The following GRPEL1 variants were observed in gnomAD, a reference collection of about 807,000 sequenced individuals.
GRPEL1 encodes grpE protein homolog 1, mitochondrial.
In GRPEL1, 13 loss-of-function variants were observed where a neutral mutation model predicts 22.1. That is an observed-to-expected ratio of 0.59 (90% CI 0.38 to 0.94). The LOEUF is 0.94. Ranked by LOEUF, GRPEL1 falls within the 40% of genes least tolerant of loss-of-function variation. The pLI, the probability that GRPEL1 is intolerant of heterozygous loss-of-function variation, is 0.00. For synonymous variants in GRPEL1, 109 were observed against 105.3 expected (o/e 1.03, Z -0.21); for missense variants, 289 against 264.6 (o/e 1.09, Z -0.64).
Position 7,059,445 on chromosome 4 carries a change from C to G in GRPEL1, c.*1417G>C, listed in dbSNP as rs1290364762. On this transcript the variant is annotated 3_prime_UTR_variant, in exon 4 of 4. Coordinates refer to ENST00000264954, the MANE Select transcript of GRPEL1 (RefSeq NM_025196.4). ...CAGGGGTGATGATGCACTCACAACC[C>G]CACAGCGTGAAAACAGGCAGCGCTG... The G allele has an allele frequency of 6.6e-6, 1 of 152,182 alleles. No individual in the cohort carries two copies. The highest frequency in any genetic ancestry group is 2.4e-5 in the African/African-American group (1 of 41,438). The allele number at this position is 152,182 out of a possible 1,614,324, so 9.4% of individuals were successfully genotyped here.
rs998222413 is a variant in GRPEL1 at position 7,060,012 on chromosome 4, G to T, written c.*850C>A. Reference sequence around the variant, plus strand: ...AGGCTAAGCCATGCTTGCCTCAGCGGCAAGGATCTCCATGAGAGGACACAA... The same window carrying T: ...AGGCTAAGCCATGCTTGCCTCAGCGTCAAGGATCTCCATGAGAGGACACAA... On this transcript the variant is annotated 3_prime_UTR_variant, in exon 4 of 4. Coordinates refer to ENST00000264954, the MANE Select transcript of GRPEL1 (RefSeq NM_025196.4). The T allele has an allele frequency of 3.3e-5, 5 of 152,200 alleles. No individual in the cohort carries two copies. The highest frequency in any genetic ancestry group is 6.5e-5 in the Admixed American group (1 of 15,288). The allele number at this position is 152,200 out of a possible 1,614,324, so 9.4% of individuals were successfully genotyped here. A position where few individuals can be genotyped will look rare whatever the true frequency, so the allele number is the denominator to read the frequency against.
chr4:7,062,517 T>TATATATATATATA, intron 2 of GRPEL1, 51 bp from the exon 3 acceptor site: 1 of 480,600 alleles, frequency 2.1e-6, no homozygotes, highest in Non-Finnish European at 2.9e-6. Context: ...TATATATATC[T>TATATATATATATA]TTTTTTTTGA....
chr4:7,067,628 T>C (rs575815379), intron 1 of GRPEL1: 9 of 373,554 alleles, frequency 2.4e-5, no homozygotes, highest in African/African-American at 1.7e-4. Context: ...TCTGCGCCCG[T>C]GAGCGCCGAG....
intron 1 of GRPEL1, chr4:7,067,651 C>T (rs1724203231): frequency 4.8e-6 from 2 of 412,576 alleles, no homozygotes; most frequent in East Asian, 4.4e-5. Flanking sequence ...CGTGAATGCG[C>T]GCGAGGCGTC....
intron 3 of GRPEL1, chr4:7,062,170 C>G (rs918223296): frequency 6.0e-6 from 2 of 334,220 alleles, no homozygotes; most frequent in Admixed American, 4.5e-5. Flanking sequence ...GAGGACACAC[C>G]TATTTACAAT....
chr4:7,062,636 C>T (rs939793681), intron 2 of GRPEL1, among the ~76,000 whole-genome samples, 170 bp from the exon 3 acceptor site: 3 of 151,700 alleles, frequency 2.0e-5, no homozygotes, highest in Non-Finnish European at 4.4e-5. Flanking sequence ...CTCAGCCTCC[C>T]GAGTAGCTGG....
At chr4:7,062,827 A>C (rs1038428048) in intron 2 of GRPEL1, among the ~76,000 whole-genome samples, 1 of 152,122 alleles carries the variant, frequency 6.6e-6, no homozygotes, top group African/African-American at 2.4e-5. Flanking sequence ...ATTTATATTA[A>C]TATGGAACAA....
At chr4:7,066,529 A>T (rs1206071363) in intron 1 of GRPEL1, among the ~76,000 whole-genome samples, 1 of 152,244 alleles carries the variant, frequency 6.6e-6, no homozygotes, top group African/African-American at 2.4e-5. Flanking sequence ...CAGTCTTGCC[A>T]TGGGGGTGGA....
chr4:7,064,182 T>C lies in GRPEL1; in HGVS notation c.104A>G (p.Asn35Ser). The change falls in exon 2 of 4, where the codon AAC (asparagine) becomes AGC (serine). Residue 35 changes from asparagine to serine, a missense_variant. Asn to Ser is a conservative substitution (Grantham distance 46). Coordinates refer to ENST00000264954, the MANE Select transcript of GRPEL1 (RefSeq NM_025196.4). ...GTCCTCTTCCAGGTTCTGGCCACTG[T>C]TCTTTTGTTTCGTGGCTGTGCACAA... ...RLLCTATKQK[N>S]SGQNLEEDMG... 6.2e-7 allele frequency: 1 copy of C among 1,614,070 alleles called. No homozygotes were observed. The highest frequency in any genetic ancestry group is 8.5e-7 in the Non-Finnish European group (1 of 1,179,898).
At chr4:7,066,894 A>G (rs1386327314) in intron 1 of GRPEL1, among the ~76,000 whole-genome samples, 1 of 152,226 alleles carries the variant, frequency 6.6e-6, no homozygotes, top group Non-Finnish European at 1.5e-5. Context: ...TAGAGACAGA[A>G]ATGATGCTGA....
Position 7,062,394 on chromosome 4 carries a change from T to C in GRPEL1, c.298A>G (p.Lys100Glu). 1.3e-6 allele frequency: 2 copies of C among 1,565,142 alleles called. No individual in the cohort carries two copies. The highest frequency in any genetic ancestry group is 1.1e-5 in the South Asian group (1 of 89,244). The change falls in exon 3 of 4, where the codon AAA becomes GAA. Residue 100 changes from lysine (K) to glutamate (E), a missense_variant. Lys to Glu is a moderately conservative substitution (Grantham distance 56). Coordinates refer to ENST00000264954, the MANE Select transcript of GRPEL1 (RefSeq NM_025196.4). ...GTTATGTTGAAAGTACCGTATAATT[T>C]TGCCTCCTCCACCAATTTCTGGCTC... The part of the protein sequence containing the change: ...QRSQKLVEEA[K>E]LYGIQAFCKD...
chr4:7,065,770 AGT>A (rs1399874896), intron 1 of GRPEL1, among the ~76,000 whole-genome samples: 1 of 152,152 alleles, frequency 6.6e-6, no homozygotes, highest in African/African-American at 2.4e-5. Context: ...ACCAAGACCA[AGT>A]GATAAGCCCA....
At chr4:7,063,120 G>T (rs1724084639) in intron 2 of GRPEL1, among the ~76,000 whole-genome samples, 2 of 151,076 alleles carry the variant, frequency 1.3e-5, no homozygotes, top group Non-Finnish European at 2.9e-5. Context: ...TCTGAGACAG[G>T]GTCTTGCTCT....
In GRPEL1 at chr4:7,060,128, C is replaced by G. The variant is rs1426260938; in HGVS notation, c.*734G>C. The G allele has an allele frequency of 6.6e-6, 1 of 152,138 alleles. No homozygotes were observed. The highest frequency in any genetic ancestry group is 1.5e-5 in the Non-Finnish European group (1 of 68,030). 9.4% of individuals were successfully genotyped at this position (152,138 alleles called of 1,614,324 possible). A position where few individuals can be genotyped will look rare whatever the true frequency, so the allele number is the denominator to read the frequency against. On this transcript the variant is annotated 3_prime_UTR_variant, in exon 4 of 4. Coordinates refer to ENST00000264954, the MANE Select transcript of GRPEL1 (RefSeq NM_025196.4). Reference sequence around the variant, plus strand: ...TTAAACATTAACATTTAAAGTACACCAAGCGTGCAGTCCTATTTTGAGAAA... The same window carrying G: ...TTAAACATTAACATTTAAAGTACACGAAGCGTGCAGTCCTATTTTGAGAAA...
At chr4:7,065,837 C>A (rs943194394) in intron 1 of GRPEL1, among the ~76,000 whole-genome samples, 18 of 148,228 alleles carry the variant, frequency 1.2e-4, no homozygotes, top group African/African-American at 4.4e-4. Context: ...TAGATTTCTT[C>A]ACCAGGACCA....
chr4:7,060,877 C>T lies in GRPEL1; in HGVS notation c.639G>A (p.Val213=). Residue 213 remains valine, a synonymous_variant, in exon 4 of 4, where the codon GTG becomes GTA. Coordinates refer to ENST00000264954, the MANE Select transcript of GRPEL1 (RefSeq NM_025196.4). ...GRTLRPALVG[V]VKEA ...TCAACAGCAGCTAAGCTTCCTTCAC[C>T]ACCCCCACCAGGGCGGGTCTCAGAG... is the stretch of plus-strand genomic sequence containing the variant. The T allele has an allele frequency of 6.2e-7, 1 of 1,610,898 alleles. No individual in the cohort carries two copies. The highest frequency in any genetic ancestry group is 8.5e-7 in the Non-Finnish European group (1 of 1,178,138).
At chr4:7,062,677 A>T (rs1724074991) in intron 2 of GRPEL1, among the ~76,000 whole-genome samples, 1 of 151,496 alleles carries the variant, frequency 6.6e-6, no homozygotes, top group East Asian at 1.9e-4. Context: ...ACGCCCAGCT[A>T]ATTTTTTTGT....
intron 2 of GRPEL1, among the ~76,000 whole-genome samples, chr4:7,062,875 GTAAC>G (rs1724079281): frequency 6.6e-6 from 1 of 152,104 alleles, no homozygotes; most frequent in Admixed American, 6.6e-5. Flanking sequence ...AAACGGCTGT[GTAAC>G]TAACTACAAG....
Position 7,060,315 on chromosome 4 carries a change from C to G in GRPEL1, c.*547G>C, listed in dbSNP as rs997361882. 4 of 153,768 alleles carry G rather than the reference C, an allele frequency of 2.6e-5. No individual in the cohort carries two copies. The highest frequency in any genetic ancestry group is 9.7e-5 in the African/African-American group (4 of 41,412). The allele number at this position is 153,768 out of a possible 1,614,324, so 9.5% of individuals were successfully genotyped here. ...GGGGAGAACTGTCAGTGCCCACACC[C>G]ATTTCTCAGTGGTCAGTTTCAGCCG... is the stretch of plus-strand genomic sequence containing the variant. On this transcript the variant is annotated 3_prime_UTR_variant, in exon 4 of 4. Coordinates refer to ENST00000264954, the MANE Select transcript of GRPEL1 (RefSeq NM_025196.4).
Sources: allele counts gnomAD v4.1 joint callset (sites outside exome capture counted in the v4.1 genomes callset), GRCh38; gene constraint gnomAD v4.1.1; transcripts MANE v1.5; gene names NCBI Gene and HGNC (gene_info 2026-07-23, HGNC 2026-07-21).